The following TMEM41A variants were observed in gnomAD, a reference collection of about 807,000 sequenced individuals.
TMEM41A encodes transmembrane protein 41A.
In TMEM41A, 20 loss-of-function variants were observed where a neutral mutation model predicts 25.7. That is an observed-to-expected ratio of 0.78 (90% CI 0.55 to 1.13). The LOEUF (loss-of-function observed/expected upper bound fraction) is 1.13. Among genes scored for constraint, TMEM41A ranks in the 50% most tolerant of loss-of-function variants. The pLI is 0.00. For missense variants in TMEM41A, 299 were observed against 314.3 expected, an observed-to-expected ratio of 0.95 and a Z score of 0.37; for synonymous variants, 133 against 139.6, an observed-to-expected ratio of 0.95 and a Z score of 0.33.
At chr3:185,495,598 A>C in intron 2 of TMEM41A, 1 of 398,808 alleles carries the variant, frequency 2.5e-6, no homozygotes, top group Non-Finnish European at 4.6e-6. Flanking sequence ...ACACCACCAC[A>C]TTCACCCACT....
Position 185,496,879 on chromosome 3 carries a change from G to A in TMEM41A, c.222C>T (p.Cys74=), listed in dbSNP as rs141827531. Residue 74 remains cysteine (C), a synonymous_variant, in exon 2 of 5, where the codon TGC becomes TGT. Coordinates refer to ENST00000421852, the MANE Select transcript of TMEM41A (RefSeq NM_080652.4). ...EHQAYVFLLF[C]GAYLYKQGFA... Reference sequence around the variant, plus strand: ...AGCCCTGTTTGTAGAGGTAGGCGCCGCAGAAGAGCAGGAACACGTAGGCCT... The same window carrying A: ...AGCCCTGTTTGTAGAGGTAGGCGCCACAGAAGAGCAGGAACACGTAGGCCT... 24 of 1,606,666 alleles carry A rather than the reference G, an allele frequency of 1.5e-5. No individual in the cohort carries two copies. In the Middle Eastern group the frequency reaches 5.0e-4, roughly 33 times the overall value.
chr3:185,494,456 G>A (rs1423549752), intron 4 of TMEM41A, 167 bp downstream of exon 4: 3 of 796,092 alleles, frequency 3.8e-6, no homozygotes, highest in African/African-American at 3.5e-5. Flanking sequence ...GTTGAAGCCT[G>A]AGCAGATCTG....
rs780722519 is a variant in TMEM41A, at chr3:185,498,863, G to A, written c.99C>T (p.Ser33=). 16 of 1,604,794 alleles carry A rather than the reference G, an allele frequency of 1.0e-5. No individual in the cohort carries two copies. In the South Asian group the frequency reaches 1.8e-4, roughly 18 times the overall value. Residue 33 remains serine, a synonymous_variant, in exon 1 of 5, where the codon TCC becomes TCT. Coordinates refer to ENST00000421852, the MANE Select transcript of TMEM41A (RefSeq NM_080652.4). ...CGCACCTGCCTCCAGCCTCCTCGGT[G>A]GAGCCCAGTCTCCGCCCGCGGGGCA... is the stretch of plus-strand genomic sequence containing the variant. ...TRLPRGRRLG[S]TEEAGGRSLW...
At chr3:185,498,332 G>A (rs1043957083) in intron 1 of TMEM41A, 1 of 152,166 alleles carries the variant, frequency 6.6e-6, no homozygotes, top group Admixed American at 6.6e-5. Flanking sequence ...TAATTAATTC[G>A]TGAATAATTT....
Position 185,499,001 on chromosome 3 carries a change from T to C in TMEM41A, c.-40A>G, listed in dbSNP as rs1193735362. 13 of 1,532,724 alleles carry C rather than the reference T, an allele frequency of 8.5e-6. 1 individual carries two copies. The highest frequency in any genetic ancestry group is 8.2e-5 in the South Asian group (7 of 85,050). 94.9% of individuals were successfully genotyped at this position (1,532,724 alleles called of 1,614,324 possible). ...CCGGCCCGCGGGGCAGCCGAGAAGC[T>C]CACTTGCACTCCGGGACGCAGCGGC... is the stretch of plus-strand genomic sequence containing the variant. On this transcript the variant is annotated 5_prime_UTR_variant, in exon 1 of 5. Transcript: ENST00000421852.
At chr3:185,496,794 GGA>G in intron 2 of TMEM41A, 32 bp downstream of exon 2, 2 of 1,587,392 alleles carry the variant, frequency 1.3e-6, no homozygotes, top group Non-Finnish European at 1.7e-6. Context: ...TTACAGATAA[GGA>G]AACAGGGTTG....
chr3:185,493,506 C>T (rs1369808685), intron 4 of TMEM41A: 1 of 152,056 alleles, frequency 6.6e-6, no homozygotes, highest in East Asian at 1.9e-4. Flanking sequence ...ATTAAAATCT[C>T]CACAGGTGAT....
intron 3 of TMEM41A, 57 bp downstream of exon 3, chr3:185,495,097 C>T (rs1719062186): frequency 1.9e-6 from 3 of 1,591,708 alleles, no homozygotes; most frequent in Non-Finnish European, 8.6e-7. Context: ...TCTCTCAAGG[C>T]CATGCACGTA....
chr3:185,493,380 G>A (rs1206458998), intron 4 of TMEM41A: 1 of 152,156 alleles, frequency 6.6e-6, no homozygotes, highest in Non-Finnish European at 1.5e-5. Context: ...GGATCCAGCG[G>A]AATCCCTTTT....
At position 185,496,472 on chromosome 3, in the gene TMEM41A, G is replaced by A. The variant is rs143597494; in HGVS notation, c.273+356C>T. On this transcript the variant is annotated intron_variant, in intron 2 of 4. Coordinates refer to ENST00000421852, the MANE Select transcript of TMEM41A (RefSeq NM_080652.4). Reference sequence around the variant, plus strand: ...GTTCAAGACAGAAGACAGACACAGGGCAGCCTCAAGGAGTCAGCCCCTGAC... The same window carrying A: ...GTTCAAGACAGAAGACAGACACAGGACAGCCTCAAGGAGTCAGCCCCTGAC... The A allele has an allele frequency of 8.0e-4, 276 of 345,290 alleles. No homozygotes were observed. The East Asian group carries it at 0.018, about 23-fold the overall frequency. 21.4% of individuals were successfully genotyped at this position (345,290 alleles called of 1,614,324 possible).
Position 185,494,613 on chromosome 3 carries a change from A to G in TMEM41A, c.574+10T>C. 2.5e-6 allele frequency: 4 copies of G among 1,586,780 alleles called. No individual in the cohort carries two copies. The highest frequency in any genetic ancestry group is 3.4e-6 in the Non-Finnish European group (4 of 1,168,920). On this transcript the variant is annotated intron_variant, in intron 4 of 4. Transcript: ENST00000421852. ...TCTGAAGACTCAAACCTACCCCACTAGCATCTTACCGATAAGAACTGAGAA... is the reference window on the plus strand; with the variant it reads ...TCTGAAGACTCAAACCTACCCCACTGGCATCTTACCGATAAGAACTGAGAA...
In TMEM41A at chr3:185,491,647, C is replaced by G. The variant is rs1179020209; in HGVS notation, c.685G>C (p.Ala229Pro). ...GTTCCAGGAATTAATGCCACCATGG[C>G]AATGGCCAACAGCTTAAAGACAGTG... ...WDTVFKLLAI[A>P]MVALIPGTLI... is the part of the protein sequence containing the mutation. Residue 229 changes from alanine (A) to proline (P), a missense_variant, in exon 5 of 5, where the codon GCC becomes CCC. Physicochemically the swap from Ala to Pro is conservative, Grantham distance 27 (BLOSUM62 -1). Transcript: ENST00000421852. 2.5e-6 allele frequency: 4 copies of G among 1,614,176 alleles called. No homozygotes were observed. The highest frequency in any genetic ancestry group is 3.4e-6 in the Non-Finnish European group (4 of 1,180,044).
In TMEM41A at chr3:185,491,190, A is replaced by T. The variant is rs1035363655; in HGVS notation, c.*347T>A. Reference sequence around the variant, plus strand: ...TTTTTGTATTTTTATTAGAGACAGGATTTCACCATCTTGGCCAGGCTGGTC... The same window carrying T: ...TTTTTGTATTTTTATTAGAGACAGGTTTTCACCATCTTGGCCAGGCTGGTC... On this transcript the variant is annotated 3_prime_UTR_variant, in exon 5 of 5. Transcript: ENST00000421852. 2.2e-5 allele frequency: 4 copies of T among 178,768 alleles called. No homozygotes were observed. The highest frequency in any genetic ancestry group is 4.7e-5 in the Non-Finnish European group (4 of 84,990). 11.1% of individuals were successfully genotyped at this position (178,768 alleles called of 1,614,324 possible). A position where few individuals can be genotyped will look rare whatever the true frequency, so the allele number is the denominator to read the frequency against.
chr3:185,491,478 C>A lies in TMEM41A; in HGVS notation c.*59G>T. ...AAAACAATGAGGGGCTTTAGAGGAC[C>A]ACATCCATTACACAAATAAGCAACT... On this transcript the variant is annotated 3_prime_UTR_variant, in exon 5 of 5. Transcript: ENST00000421852. 7.2e-7 allele frequency: 1 copy of A among 1,394,912 alleles called. No homozygotes were observed. Among genetic ancestry groups the A allele is most frequent in the Non-Finnish European group, 1.0e-6 (1 of 991,664 alleles). 86.4% of individuals were successfully genotyped at this position (1,394,912 alleles called of 1,614,324 possible).
intron 4 of TMEM41A, chr3:185,492,143 AAC>A (rs1240854164): frequency 6.2e-6 from 1 of 161,216 alleles, no homozygotes; most frequent in Non-Finnish European, 1.4e-5. Flanking sequence ...CTCTACTAAA[AAC>A]ACAAAAATTA....
At chr3:185,495,418 T>C in intron 2 of TMEM41A, 103 bp from the exon 3 acceptor site, 1 of 1,152,170 alleles carries the variant, frequency 8.7e-7, no homozygotes, top group Non-Finnish European at 1.2e-6. Flanking sequence ...TCACTGCTTT[T>C]TTCCAGCTAA....
chr3:185,497,191 G>A (rs139103970), intron 1 of TMEM41A, among the ~76,000 whole-genome samples: 1 of 152,226 alleles, frequency 6.6e-6, no homozygotes, highest in Non-Finnish European at 1.5e-5. Flanking sequence ...AGAGACCTGG[G>A]TTAGCATCCC....
rs917559927 is a variant in TMEM41A at position 185,495,050 on chromosome 3, C to A, written c.435+104G>T. On this transcript the variant is annotated intron_variant, in intron 3 of 4. Transcript: ENST00000421852. The stretch of plus-strand genomic sequence containing the variant: ...GAACCCCTAGGACCTCCTGAAACAG[C>A]GTGGAAGAGTACTGTGGGAAATCCC... The A allele has an allele frequency of 7.2e-6, 10 of 1,382,508 alleles. No homozygotes were observed. The East Asian group carries it at 2.1e-4, about 28-fold the overall frequency. The allele number at this position is 1,382,508 out of a possible 1,614,324, so 85.6% of individuals were successfully genotyped here.
Position 185,498,933 on chromosome 3 carries a change from A to G in TMEM41A, c.29T>C (p.Val10Ala). 6.2e-7 allele frequency: 1 copy of G among 1,603,662 alleles called. No homozygotes were observed. Among genetic ancestry groups the G allele is most frequent in the East Asian group, 2.3e-5 (1 of 44,190 alleles). MRPLLGLLL[V>A]FAGCTFALYL... ...CAAGGCGAAGGTGCAGCCGGCGAAGACCAGAAGGAGGCCGAGAAGCGGGCG... is the reference window on the plus strand; with the variant it reads ...CAAGGCGAAGGTGCAGCCGGCGAAGGCCAGAAGGAGGCCGAGAAGCGGGCG... Residue 10 changes from valine (V) to alanine (A), a missense_variant, in exon 1 of 5, where the codon GTC becomes GCC. Val to Ala is a moderately conservative substitution (Grantham distance 64, BLOSUM62 0). Transcript: ENST00000421852.
Sources: gnomAD v4.1 joint callset for allele counts (sites outside exome capture counted in the v4.1 genomes callset) on GRCh38, gnomAD v4.1.1 for gene constraint, MANE v1.5 for transcripts, NCBI Gene and HGNC (gene_info 2026-07-23, HGNC 2026-07-21) for gene names.